The following OPCML variants were observed in gnomAD, a reference collection of about 807,000 sequenced individuals.
The protein encoded by OPCML is opioid binding protein/cell adhesion molecule like, also known as opioid-binding protein/cell adhesion molecule.
A neutral mutation model predicts 37.8 loss-of-function variants in OPCML; 13 were observed. That is an observed-to-expected ratio of 0.34 (90% CI 0.22 to 0.55). The LOEUF is 0.55. Ranked by LOEUF, OPCML falls within the 20% of genes least tolerant of loss-of-function variation. The pLI, the probability that OPCML is intolerant of heterozygous loss-of-function variation, is 0.91. For missense variants in OPCML, 341 were observed against 435.6 expected (o/e 0.78, Z 1.93); for synonymous variants, 176 against 168.8 (o/e 1.04, Z -0.33).
chr11:133,482,499 G>A (rs1043733430), intron 1 of OPCML, among the ~76,000 whole-genome samples: 2 of 152,118 alleles, frequency 1.3e-5, no homozygotes, highest in Admixed American at 1.3e-4. Flanking sequence ...GGGAGGGTAG[G>A]CAGTGGCCAC....
intron 2 of OPCML, among the ~76,000 whole-genome samples, chr11:132,922,645 T>A (rs1037467518): frequency 6.6e-6 from 1 of 152,174 alleles, no homozygotes; most frequent in Non-Finnish European, 1.5e-5. Flanking sequence ...CCTCTTTATT[T>A]AAACAGCTTG....
intron 1 of OPCML, among the ~76,000 whole-genome samples, chr11:133,239,574 C>A (rs901144567): frequency 6.6e-6 from 1 of 152,242 alleles, no homozygotes; most frequent in African/African-American, 2.4e-5. Flanking sequence ...CTTAGGGCAG[C>A]CTCTGCAGCA....
intron 2 of OPCML, among the ~76,000 whole-genome samples, chr11:132,705,444 T>A (rs1293527792): frequency 6.6e-6 from 1 of 151,632 alleles, no homozygotes; most frequent in Non-Finnish European, 1.5e-5. Context: ...AATAACAAAT[T>A]CAGCTGGGTG....
intron 3 of OPCML, among the ~76,000 whole-genome samples, chr11:132,570,759 A>G (rs1367706224): frequency 6.9e-5 from 4 of 58,078 alleles, no homozygotes; most frequent in Non-Finnish European, 9.4e-5. Flanking sequence ...AAGAGAGTAT[A>G]TATATATATA....
At chr11:133,374,671 T>G (rs1457857096) in intron 1 of OPCML, among the ~76,000 whole-genome samples, 1 of 152,246 alleles carries the variant, frequency 6.6e-6, no homozygotes, top group Middle Eastern at 3.2e-3. Context: ...TTTCTGACTA[T>G]TCCTTCAGTT....
chr11:133,510,053 C>G (rs1948121279), intron 1 of OPCML, among the ~76,000 whole-genome samples: 1 of 152,184 alleles, frequency 6.6e-6, no homozygotes, highest in Non-Finnish European at 1.5e-5. Context: ...TGCTTACCAT[C>G]TGACACTCCT....
intron 1 of OPCML, among the ~76,000 whole-genome samples, chr11:133,272,596 C>T (rs752328702): frequency 2.6e-5 from 4 of 152,038 alleles, no homozygotes; most frequent in Admixed American, 6.6e-5. Context: ...CGGGGACGCT[C>T]GGGGCAGGGT....
chr11:133,263,479 T>C (rs1382115020), intron 1 of OPCML, among the ~76,000 whole-genome samples: 2 of 152,340 alleles, frequency 1.3e-5, no homozygotes, highest in East Asian at 3.9e-4. Context: ...CAGTAGGCTC[T>C]GCCCTACAGC....
intron 1 of OPCML, among the ~76,000 whole-genome samples, chr11:133,479,800 A>G (rs973978753): frequency 1.3e-5 from 2 of 152,146 alleles, no homozygotes; most frequent in Non-Finnish European, 2.9e-5. Context: ...TGGCTTAATT[A>G]TATCTTTGGA....
At chr11:132,533,156 G>A (rs1441109708) in intron 3 of OPCML, among the ~76,000 whole-genome samples, 1 of 152,198 alleles carries the variant, frequency 6.6e-6, no homozygotes, top group Admixed American at 6.5e-5. Flanking sequence ...AAGTAGCACA[G>A]TGTGTTATCT....
At chr11:133,347,523 T>C (rs1432956380) in intron 1 of OPCML, among the ~76,000 whole-genome samples, 1 of 152,194 alleles carries the variant, frequency 6.6e-6, no homozygotes, top group Non-Finnish European at 1.5e-5. Flanking sequence ...GGAAGTGTTT[T>C]TTTTCTCCTG....
At chr11:133,301,128 G>A (rs1942766243) in intron 1 of OPCML, 1 of 152,150 alleles carries the variant, frequency 6.6e-6, no homozygotes, top group African/African-American at 2.4e-5. Flanking sequence ...CATCAGCCTA[G>A]CAGGATTCTA....
At chr11:133,482,858 G>A (rs1437340840) in intron 1 of OPCML, among the ~76,000 whole-genome samples, 1 of 151,982 alleles carries the variant, frequency 6.6e-6, no homozygotes, top group Non-Finnish European at 1.5e-5. Context: ...TCATGACCTG[G>A]GGTAGAGAAT....
chr11:132,632,002 T>G (rs1940161446), intron 3 of OPCML, among the ~76,000 whole-genome samples: 3 of 152,068 alleles, frequency 2.0e-5, no homozygotes, highest in African/African-American at 7.2e-5. Context: ...GGTTTTCAGC[T>G]GGGTAACGAA....
intron 1 of OPCML, chr11:133,420,282 C>T (rs1478333944): frequency 1.0e-6 from 1 of 985,340 alleles, no homozygotes; most frequent in Non-Finnish European, 1.2e-6. Context: ...TACTCCTGAA[C>T]GTCTTTGGCA....
At chr11:133,161,325 G>A (rs1279580311) in intron 1 of OPCML, among the ~76,000 whole-genome samples, 1 of 152,186 alleles carries the variant, frequency 6.6e-6, no homozygotes, top group Non-Finnish European at 1.5e-5. Context: ...GAATTTGGAG[G>A]GAGAGAGCTT....
intron 2 of OPCML, among the ~76,000 whole-genome samples, chr11:132,820,061 C>CTGAATGAATGAA (rs35080742): frequency 1.8e-4 from 13 of 73,932 alleles, no homozygotes; most frequent in African/African-American, 2.9e-4. Flanking sequence ...ACAGCAAAAA[C>CTGAATGAATGAA]TGAATGAATG....
chr11:133,015,121 T>C (rs1368811767), intron 1 of OPCML, among the ~76,000 whole-genome samples: 1 of 152,070 alleles, frequency 6.6e-6, no homozygotes, highest in African/African-American at 2.4e-5. Flanking sequence ...AATATACAGG[T>C]AATAAATTTA....
chr11:132,775,109 C>A (rs1235156733), intron 2 of OPCML, among the ~76,000 whole-genome samples: 1 of 152,162 alleles, frequency 6.6e-6, no homozygotes, highest in African/African-American at 2.4e-5. Context: ...TTAATTTAAT[C>A]AGCTGACTTG....
Sources: allele counts gnomAD v4.1 joint callset (sites outside exome capture counted in the v4.1 genomes callset), GRCh38; gene constraint gnomAD v4.1.1; transcripts MANE v1.5; gene names NCBI Gene and HGNC (gene_info 2026-07-23, HGNC 2026-07-21).